Variants in RGL1 observed in about 807,000 individuals in gnomAD.
RGL1 encodes the protein ral guanine nucleotide dissociation stimulator-like 1.
In RGL1, 24 loss-of-function variants were observed where a neutral mutation model predicts 95.2. That is an observed-to-expected ratio of 0.25 (90% CI 0.18 to 0.35). RGL1 has a LOEUF of 0.35. Ranked by LOEUF, RGL1 falls within the 10% of genes least tolerant of loss-of-function variation. RGL1 has a pLI of 1.00. For synonymous variants in RGL1, 329 were observed against 344.9 expected, an observed-to-expected ratio of 0.95 and a Z score of 0.51; for missense variants, 715 against 936.3, an observed-to-expected ratio of 0.76 and a Z score of 3.08.
intron 1 of RGL1, among the ~76,000 whole-genome samples, chr1:183,682,103 C>G (rs543590343): frequency 3.9e-5 from 6 of 152,142 alleles, no homozygotes; most frequent in Admixed American, 2.0e-4. Context: ...TTTTGTTAAT[C>G]TTTTCAAAAA....
intron 2 of RGL1, among the ~76,000 whole-genome samples, chr1:183,786,518 T>C (rs1439243263): frequency 1.3e-5 from 2 of 152,222 alleles, no homozygotes; most frequent in Non-Finnish European, 2.9e-5. Flanking sequence ...TCCTAAAATC[T>C]GAAATCTAAA....
intron 2 of RGL1, among the ~76,000 whole-genome samples, chr1:183,794,581 A>G (rs926295722): frequency 6.6e-6 from 1 of 152,184 alleles, no homozygotes; most frequent in Admixed American, 6.5e-5. Context: ...TCTTGTTCAC[A>G]CTGTTCATTT....
At chr1:183,809,983 A>G (rs1437084301) in intron 2 of RGL1, among the ~76,000 whole-genome samples, 1 of 152,166 alleles carries the variant, frequency 6.6e-6, no homozygotes, top group Non-Finnish European at 1.5e-5. Context: ...TTTCACCCAG[A>G]CATTCACTTA....
intron 2 of RGL1, among the ~76,000 whole-genome samples, chr1:183,831,253 C>G (rs1217752405): frequency 1.3e-5 from 2 of 152,138 alleles, no homozygotes; most frequent in Non-Finnish European, 2.9e-5. Context: ...AGAACATGCT[C>G]AGGCTGAGCA....
In RGL1 at chr1:183,904,965, A is replaced by G. The variant is rs1377763583; in HGVS notation, c.1466A>G (p.Glu489Gly). 1 of 1,611,694 alleles carries G rather than the reference A, an allele frequency of 6.2e-7. No homozygotes were observed. The highest frequency in any genetic ancestry group is 8.5e-7 in the Non-Finnish European group (1 of 1,179,370). ...WFQRQQLLTEEESYALSCEIE... is the reference protein window; with the variant it reads ...WFQRQQLLTEGESYALSCEIE... ...CAGAGGCAGCAGCTCCTGACAGAGG[A>G]GGAGAGGTGGGATCACCTGTCGTTC... Residue 489 changes from glutamate to glycine, a missense_variant, in exon 13 of 18, where the codon GAG becomes GGG. Glu to Gly is a moderately conservative substitution (Grantham distance 98). Around this residue, in one of 3 missense-constraint regions of RGL1, gnomAD observed 330 missense variants for 429.6 expected, o/e 0.77. Coordinates refer to ENST00000360851, the MANE Select transcript of RGL1 (RefSeq NM_001297671.3).
intron 2 of RGL1, among the ~76,000 whole-genome samples, chr1:183,826,052 G>C (rs2102471958): frequency 8.7e-6 from 1 of 114,990 alleles, no homozygotes; most frequent in East Asian, 2.6e-4. Context: ...CCCCATCTCT[G>C]TCTCTCTCTT....
At chr1:183,744,871 TAG>T (rs1657526227) in intron 2 of RGL1, among the ~76,000 whole-genome samples, 1 of 152,198 alleles carries the variant, frequency 6.6e-6, no homozygotes, top group African/African-American at 2.4e-5. Context: ...GAACATATGC[TAG>T]AGTTTTTTCT....
chr1:183,656,709 T>C (rs994930672), intron 1 of RGL1, among the ~76,000 whole-genome samples: 2 of 152,238 alleles, frequency 1.3e-5, no homozygotes, highest in Non-Finnish European at 2.9e-5. Flanking sequence ...AGTTAAACTC[T>C]GTTAAATTTA....
intron 2 of RGL1, among the ~76,000 whole-genome samples, chr1:183,751,112 C>T (rs1276828008): frequency 6.6e-6 from 1 of 152,252 alleles, no homozygotes. Flanking sequence ...CTGCTGCTCT[C>T]TTCAGAGCTG....
intron 1 of RGL1, among the ~76,000 whole-genome samples, chr1:183,699,107 A>G (rs1336139513): frequency 1.3e-5 from 2 of 152,326 alleles, no homozygotes; most frequent in East Asian, 3.9e-4. Flanking sequence ...ATATCTGACA[A>G]TGGTACCAAT....
chr1:183,781,214 C>T (rs1659886033), intron 2 of RGL1, among the ~76,000 whole-genome samples: 5 of 152,128 alleles, frequency 3.3e-5, no homozygotes, highest in Admixed American at 3.3e-4. Flanking sequence ...GCAATTATTA[C>T]TCTTCTTTTT....
chr1:183,794,774 G>T (rs1255781317), intron 2 of RGL1, among the ~76,000 whole-genome samples: 1 of 152,092 alleles, frequency 6.6e-6, no homozygotes, highest in African/African-American at 2.4e-5. Context: ...TTCAAAGGTG[G>T]TGGTTAACAC....
chr1:183,869,754 G>C (rs1666054249), intron 4 of RGL1, among the ~76,000 whole-genome samples: 1 of 152,028 alleles, frequency 6.6e-6, no homozygotes, highest in Admixed American at 6.5e-5. Context: ...CTTTGTCTTT[G>C]TGAGAGGAAA....
At chr1:183,908,029 AAT>A (rs754463116) in intron 14 of RGL1, among the ~76,000 whole-genome samples, 4 of 151,340 alleles carry the variant, frequency 2.6e-5, no homozygotes, top group African/African-American at 7.3e-5. Flanking sequence ...AACAACAACA[AAT>A]ATATATATAT....
intron 1 of RGL1, among the ~76,000 whole-genome samples, chr1:183,720,320 C>T (rs1176249729): frequency 9.2e-5 from 14 of 152,226 alleles, no homozygotes; most frequent in African/African-American, 1.2e-4. Context: ...CACCACAGAA[C>T]GGCCAATCCT....
intron 2 of RGL1, among the ~76,000 whole-genome samples, chr1:183,751,841 C>A (rs567113095): frequency 6.6e-6 from 1 of 152,250 alleles, no homozygotes; most frequent in Non-Finnish European, 1.5e-5. Flanking sequence ...GGTGAGCTGA[C>A]GCCCCACCCT....
Position 183,849,482 on chromosome 1 carries a change from A to AATTTT in RGL1, c.347+1708_347+1709insATTTT, listed in dbSNP as rs150367802. ...GACATTTAAGTTTTCTCCAGTTTTTAGTTTTTTTTTTTTTTTTTTTTTTTG... is the reference window on the plus strand; with the variant it reads ...GACATTTAAGTTTTCTCCAGTTTTTAATTTTGTTTTTTTTTTTTTTTTTTTTTTTG... On this transcript the variant is annotated intron_variant, in intron 3 of 17. Coordinates refer to ENST00000360851, the MANE Select transcript of RGL1 (RefSeq NM_001297671.3). 6.4e-3 allele frequency among the ~76,000 whole-genome samples: 640 copies of AATTTT among 99,314 alleles called. 27 individuals carry two copies. Among genetic ancestry groups the AATTTT allele is most frequent in the East Asian group, 0.017 (54 of 3,218 alleles). 65.2% of individuals were successfully genotyped at this position (99,314 alleles called of 152,430 possible).
chr1:183,755,952 C>T (rs12090437), intron 2 of RGL1, among the ~76,000 whole-genome samples: 67,046 of 150,502 alleles, frequency 0.45, 15,947 homozygotes, highest in East Asian at 0.8. Flanking sequence ...GGCGCAATCT[C>T]GGCTCACTGC....
At chr1:183,706,517 T>C (rs1205973703) in intron 1 of RGL1, among the ~76,000 whole-genome samples, 1 of 152,196 alleles carries the variant, frequency 6.6e-6, no homozygotes, top group Non-Finnish European at 1.5e-5. Flanking sequence ...TTTGACTGGC[T>C]CAGGAAGGGA....
Sources: allele counts gnomAD v4.1 joint callset (sites outside exome capture counted in the v4.1 genomes callset), GRCh38; gene constraint gnomAD v4.1.1; regional missense constraint gnomAD v4.1.1; transcripts MANE v1.5; gene names NCBI Gene and HGNC (gene_info 2026-07-23, HGNC 2026-07-21).